ADAMTSL1: variants seen among roughly 807,000 people sequenced by gnomAD.
The protein encoded by ADAMTSL1 is ADAMTS-like protein 1.
ADAMTSL1 carries 126 observed loss-of-function variants against 201.8 expected under a neutral mutation model. The observed-to-expected ratio is 0.62, with a 90% CI of 0.54 to 0.72. The LOEUF (loss-of-function observed/expected upper bound fraction) is 0.72. Among genes scored for constraint, ADAMTSL1 ranks in the 30% least tolerant of loss-of-function variants. ADAMTSL1 has a pLI of 0.00. For missense variants in ADAMTSL1, 2,679 were observed against 2,277.8 expected (o/e 1.18, Z -3.59); for synonymous variants, 1,121 against 903.4 (o/e 1.24, Z -4.32).
chr9:18,895,806 A>G (rs990460117), intron 26 of ADAMTSL1, among the ~76,000 whole-genome samples: 1 of 152,232 alleles, frequency 6.6e-6, no homozygotes, highest in Non-Finnish European at 1.5e-5. Context: ...TCAAATGCCC[A>G]ATTTTCAGCA....
intron 1 of ADAMTSL1, among the ~76,000 whole-genome samples, chr9:17,937,520 A>G (rs920127988): frequency 4.6e-5 from 7 of 151,726 alleles, no homozygotes; most frequent in Admixed American, 1.3e-4. Flanking sequence ...TTTCTATGGG[A>G]AAAAAAATGG....
chr9:18,729,133 A>C (rs1818067779), intron 15 of ADAMTSL1, among the ~76,000 whole-genome samples: 1 of 152,204 alleles, frequency 6.6e-6, no homozygotes, highest in Non-Finnish European at 1.5e-5. Flanking sequence ...AACCCAGTGC[A>C]TGTTGACTTG....
At chr9:18,102,225 A>G (rs1824559448) in intron 1 of ADAMTSL1, among the ~76,000 whole-genome samples, 1 of 152,110 alleles carries the variant, frequency 6.6e-6, no homozygotes, top group South Asian at 2.1e-4. Flanking sequence ...GAAGTATTTC[A>G]TGGTTTTTTT....
chr9:18,254,043 G>T (rs548265486), intron 2 of ADAMTSL1, among the ~76,000 whole-genome samples: 1 of 152,278 alleles, frequency 6.6e-6, no homozygotes. Flanking sequence ...TTGGGAGGCA[G>T]CACCTCCTCG....
chr9:18,242,509 A>G (rs1831109973), intron 2 of ADAMTSL1, among the ~76,000 whole-genome samples: 1 of 152,156 alleles, frequency 6.6e-6, no homozygotes, highest in African/African-American at 2.4e-5. Flanking sequence ...ACTATTAGCA[A>G]GAACCATGTG....
At chr9:18,129,171 C>T (rs1343909294) in intron 1 of ADAMTSL1, among the ~76,000 whole-genome samples, 3 of 152,164 alleles carry the variant, frequency 2.0e-5, no homozygotes, top group Non-Finnish European at 4.4e-5. Flanking sequence ...AAAGGCCTAC[C>T]TGCTAAATAT....
intron 2 of ADAMTSL1, among the ~76,000 whole-genome samples, chr9:18,245,571 C>G (rs952443027): frequency 6.6e-6 from 1 of 152,082 alleles, no homozygotes; most frequent in Non-Finnish European, 1.5e-5. Context: ...CAGGATATAA[C>G]TGGGTAGTCC....
intron 2 of ADAMTSL1, among the ~76,000 whole-genome samples, chr9:18,253,445 G>C (rs182335206): frequency 9.2e-5 from 14 of 152,222 alleles, no homozygotes; most frequent in African/African-American, 3.4e-4. Context: ...TTTTATCAAA[G>C]ATAGTGTAAA....
chr9:18,622,708 G>T, intron 5 of ADAMTSL1: 1 of 421,910 alleles, frequency 2.4e-6, no homozygotes. Context: ...TGCTATGCCT[G>T]GTGGAAGATA....
At chr9:18,617,696 A>C (rs10963673) in intron 4 of ADAMTSL1, among the ~76,000 whole-genome samples, 6,459 of 152,286 alleles carry the variant, frequency 0.042, 242 homozygotes, top group East Asian at 0.21. Flanking sequence ...GAAAGCAGAA[A>C]TTGATAACCC....
intron 2 of ADAMTSL1, among the ~76,000 whole-genome samples, chr9:18,316,700 T>A (rs893435895): frequency 5.9e-5 from 9 of 152,176 alleles, no homozygotes; most frequent in African/African-American, 1.9e-4. Flanking sequence ...AATGCAATTA[T>A]TCCAGGGTCC....
At chr9:18,241,550 T>A (rs1208872491) in intron 2 of ADAMTSL1, among the ~76,000 whole-genome samples, 2 of 150,096 alleles carry the variant, frequency 1.3e-5, no homozygotes, top group Admixed American at 6.7e-5. Flanking sequence ...CTTCTCTCTT[T>A]AAAAAAAAAA....
At chr9:18,045,094 G>A (rs1317638403) in intron 1 of ADAMTSL1, among the ~76,000 whole-genome samples, 1 of 152,110 alleles carries the variant, frequency 6.6e-6, no homozygotes, top group Non-Finnish European at 1.5e-5. Flanking sequence ...TGACTTCCAT[G>A]ACCTCTCTGG....
At chr9:18,828,660 T>TTATATATATA (rs1554643931) in intron 22 of ADAMTSL1, among the ~76,000 whole-genome samples, 54 of 28,526 alleles carry the variant, frequency 1.9e-3, no homozygotes, top group Middle Eastern at 0.029. Context: ...GAAAGTATAT[T>TTATATATATA]TATATATATA....
intron 1 of ADAMTSL1, among the ~76,000 whole-genome samples, chr9:18,063,855 C>A (rs1208322285): frequency 6.6e-6 from 1 of 152,164 alleles, no homozygotes; most frequent in African/African-American, 2.4e-5. Context: ...CTGCCTCTTG[C>A]TGTTGCAGAG....
intron 2 of ADAMTSL1, among the ~76,000 whole-genome samples, chr9:18,257,808 A>G (rs1831748088): frequency 6.6e-6 from 1 of 152,238 alleles, no homozygotes; most frequent in African/African-American, 2.4e-5. Context: ...TTTGGTCATA[A>G]AAAGAAATGA....
intron 2 of ADAMTSL1, among the ~76,000 whole-genome samples, chr9:18,465,324 A>ATGT (rs984953569): frequency 1.4e-4 from 21 of 152,196 alleles, no homozygotes; most frequent in African/African-American, 4.8e-4. Flanking sequence ...TAAAACATAC[A>ATGT]TGTTGTGATA....
intron 2 of ADAMTSL1, among the ~76,000 whole-genome samples, chr9:18,399,881 C>A (rs966525334): frequency 2.0e-5 from 3 of 152,172 alleles, no homozygotes; most frequent in Non-Finnish European, 2.9e-5. Flanking sequence ...TTATAATCAA[C>A]TCCCTTATTA....
At chr9:18,853,451 C>G (rs1304387447) in intron 23 of ADAMTSL1, among the ~76,000 whole-genome samples, 1 of 152,112 alleles carries the variant, frequency 6.6e-6, no homozygotes. Context: ...CTTGTGCATG[C>G]TCAGTCCACT....
Sources: gnomAD v4.1 joint callset for allele counts (sites outside exome capture counted in the v4.1 genomes callset) on GRCh38, gnomAD v4.1.1 for gene constraint, MANE v1.5 for transcripts, NCBI Gene and HGNC (gene_info 2026-07-23, HGNC 2026-07-21) for gene names.